PIEZO2: variants seen among roughly 807,000 people sequenced by gnomAD.
PIEZO2 encodes piezo type mechanosensitive ion channel component 2.
In PIEZO2, 172 loss-of-function variants were observed where a neutral mutation model predicts 337.3. The observed-to-expected ratio is 0.51, with a 90% CI of 0.45 to 0.58. The LOEUF is 0.58. PIEZO2 is among the 20% of genes least tolerant of loss of function. The probability of loss-of-function intolerance (pLI) is 0.00; values close to 1 mark genes in which losing one functional copy is unlikely to be tolerated. For missense variants in PIEZO2, 3,028 were observed against 3,391.3 expected, an observed-to-expected ratio of 0.89 and a Z score of 2.66; for synonymous variants, 1,251 against 1,228.5, an observed-to-expected ratio of 1.02 and a Z score of -0.38.
chr18:10,690,535 G>T (rs567706749), intron 48 of PIEZO2, among the ~76,000 whole-genome samples: 33 of 152,282 alleles, frequency 2.2e-4, no homozygotes, highest in Non-Finnish European at 4.3e-4. Context: ...ATCAGGCCCA[G>T]TCACAGGCTA....
At chr18:11,098,541 A>G (rs574451387) in intron 1 of PIEZO2, among the ~76,000 whole-genome samples, 148 of 149,770 alleles carry the variant, frequency 9.9e-4, no homozygotes, top group Non-Finnish European at 1.7e-3. Flanking sequence ...TACAGTTTAA[A>G]TGTATTCCTC....
Position 10,898,848 on chromosome 18 carries a change from T to C in PIEZO2, c.329+12338A>G, listed in dbSNP as rs572697988. Among the ~76,000 whole-genome samples the C allele has an allele frequency of 1.1e-3, 175 of 152,200 alleles. 1 individual carries two copies. Among genetic ancestry groups the C allele is most frequent in the African/African-American group, 3.8e-3 (159 of 41,524 alleles). ...AAATCAGCGTGGTATAGGAGCAATG[T>C]CAAGGAGTGGGGTGGGGGCTCAGCA... On this transcript the variant is annotated intron_variant, in intron 4 of 55. Coordinates refer to ENST00000674853, the MANE Select transcript of PIEZO2 (RefSeq NM_001378183.1).
chr18:10,721,121 A>G (rs2036293567), intron 36 of PIEZO2, among the ~76,000 whole-genome samples: 1 of 152,208 alleles, frequency 6.6e-6, no homozygotes, highest in African/African-American at 2.4e-5. Context: ...AAGGCTTTAG[A>G]ACAAAGAAGT....
rs2039212574 is a variant in PIEZO2 at position 11,094,727 on chromosome 18, T to G, written c.65-28505A>C. On this transcript the variant is annotated intron_variant, in intron 1 of 55. Transcript: ENST00000674853. This position sits in a 1 kb window ranked among gnomAD's most constrained non-coding sequence, Gnocchi z 4.4. ...ACAGGAAAGAAAAATGGGAGCTGGA[T>G]GAAGAGCTGATTATTCTATATAAAT... 6.6e-6 allele frequency among the ~76,000 whole-genome samples: 1 copy of G among 152,262 alleles called. No homozygotes were observed. Among genetic ancestry groups the G allele is most frequent in the South Asian group, 2.1e-4 (1 of 4,832 alleles).
chr18:10,711,519 A>T (rs769777713), intron 39 of PIEZO2, among the ~76,000 whole-genome samples: 61 of 152,334 alleles, frequency 4.0e-4, no homozygotes, highest in Admixed American at 1.5e-3. Flanking sequence ...TCATTAAAAA[A>T]TGTCACCAAT....
chr18:10,959,665 TTAC>T (rs1374701713), intron 3 of PIEZO2, among the ~76,000 whole-genome samples: 9 of 152,156 alleles, frequency 5.9e-5, no homozygotes, highest in African/African-American at 1.9e-4. Context: ...TTTCATGAAA[TTAC>T]AAAGTCCCAT....
At position 11,004,585 on chromosome 18, in the gene PIEZO2, C is replaced by T. The variant is rs772859423; in HGVS notation, c.161-24925G>A. Among the ~76,000 whole-genome samples, 77 of 152,118 alleles carry T rather than the reference C, an allele frequency of 5.1e-4. 1 individual carries two copies. The highest frequency in any genetic ancestry group is 4.3e-3 in the Admixed American group (66 of 15,264). ...TAGAACGGATAAGGAAGGGAGAAAA[C>T]GCAAAATAAACCAATAATATACAAG... On this transcript the variant is annotated intron_variant, in intron 2 of 55. Transcript: ENST00000674853.
chr18:10,928,329 G>A (rs543680975), intron 3 of PIEZO2, among the ~76,000 whole-genome samples: 9 of 152,266 alleles, frequency 5.9e-5, no homozygotes, highest in African/African-American at 1.9e-4. Context: ...AGTCAAAACA[G>A]AGGCATGGCC....
chr18:11,107,062 A>C (rs2039590172), intron 1 of PIEZO2, among the ~76,000 whole-genome samples: 1 of 152,198 alleles, frequency 6.6e-6, no homozygotes, highest in Admixed American at 6.5e-5. Flanking sequence ...TCTTTCTCTG[A>C]TCTCAATGAC....
chr18:10,722,454 A>G (rs1441806976), intron 36 of PIEZO2, among the ~76,000 whole-genome samples: 1 of 151,038 alleles, frequency 6.6e-6, no homozygotes, highest in South Asian at 2.1e-4. Flanking sequence ...CTGGTCTCGA[A>G]CTCCTGATCT....
Position 10,707,852 on chromosome 18 carries a change from A to G in PIEZO2, c.5588+423T>C, listed in dbSNP as rs1305150933. On this transcript the variant is annotated intron_variant, in intron 40 of 55. Transcript: ENST00000674853. This position sits in a 1 kb window ranked among gnomAD's most constrained non-coding sequence, Gnocchi z 4.2. ...ATGACTACCTATGATAGATTTTTAG[A>G]TTTTTTTCCTACTGCATGCATCTTT... Among the ~76,000 whole-genome samples the G allele has an allele frequency of 6.6e-6, 1 of 152,140 alleles. No homozygotes were observed. The highest frequency in any genetic ancestry group is 2.4e-5 in the African/African-American group (1 of 41,430).
intron 12 of PIEZO2, 53 bp downstream of exon 12, chr18:10,797,321 C>G: frequency 7.6e-7 from 1 of 1,321,566 alleles, no homozygotes; most frequent in Non-Finnish European, 1.0e-6. Context: ...GCACACATAC[C>G]ATCATATCAT....
Position 10,762,645 on chromosome 18 carries a change from G to A in PIEZO2, c.3124-20C>T, listed in dbSNP as rs1303188454. 3 of 1,529,326 alleles carry A rather than the reference G, an allele frequency of 2.0e-6. No homozygotes were observed. Among genetic ancestry groups the A allele is most frequent in the Admixed American group, 2.0e-5 (1 of 48,994 alleles). The allele number at this position is 1,529,326 out of a possible 1,614,324, so 94.7% of individuals were successfully genotyped here. On this transcript the variant is annotated intron_variant, in intron 22 of 55. Coordinates refer to ENST00000674853, the MANE Select transcript of PIEZO2 (RefSeq NM_001378183.1). ...ATTTGGCTAAAAAGAAGAGAAAATG[G>A]AGTAAAAAAAAATAGCTCCACAGAT...
intron 2 of PIEZO2, among the ~76,000 whole-genome samples, chr18:11,051,751 A>C (rs6505609): frequency 4.6e-5 from 7 of 151,964 alleles, no homozygotes; most frequent in Non-Finnish European, 1.0e-4. Context: ...ATTGTGAGTA[A>C]ATGGAAGGAT....
rs149559089 is a variant in PIEZO2 at position 11,076,430 on chromosome 18, A to G, written c.65-10208T>C. Among the ~76,000 whole-genome samples, 813 of 152,364 alleles carry G rather than the reference A, an allele frequency of 5.3e-3. 7 individuals are homozygous for G. Among genetic ancestry groups the G allele is most frequent in the South Asian group, 0.022 (105 of 4,834 alleles). Reference sequence around the variant, plus strand: ...GAAACCAATCTAAGGAAAAAAATCCAGTAAAACCATCTTATTTATAAAGGA... The same window carrying G: ...GAAACCAATCTAAGGAAAAAAATCCGGTAAAACCATCTTATTTATAAAGGA... On this transcript the variant is annotated intron_variant, in intron 1 of 55. Coordinates refer to ENST00000674853, the MANE Select transcript of PIEZO2 (RefSeq NM_001378183.1).
chr18:11,100,838 G>A (rs369416617), intron 1 of PIEZO2, among the ~76,000 whole-genome samples: 22 of 152,166 alleles, frequency 1.4e-4, no homozygotes, highest in African/African-American at 2.4e-4. Context: ...CTCGTGATCC[G>A]CCCACCTTGG....
At chr18:11,133,823 T>C (rs1001120490) in intron 1 of PIEZO2, among the ~76,000 whole-genome samples, 1 of 150,442 alleles carries the variant, frequency 6.6e-6, no homozygotes, top group African/African-American at 2.4e-5. Context: ...TATATATATA[T>C]ACTTAATAAA....
chr18:11,125,585 T>C lies in PIEZO2; in HGVS notation c.64+22940A>G, dbSNP rs1479964621. ...GACACACTCCATTCCAAATAAAGAT[T>C]ACCCTGCAGAGAAGAGCATCCTGGT... On this transcript the variant is annotated intron_variant, in intron 1 of 55. Coordinates refer to ENST00000674853, the MANE Select transcript of PIEZO2 (RefSeq NM_001378183.1). This position sits in a 1 kb window ranked among gnomAD's most constrained non-coding sequence, Gnocchi z 4.4. Among the ~76,000 whole-genome samples, 1 of 152,120 alleles carries C rather than the reference T, an allele frequency of 6.6e-6. No homozygotes were observed. The highest frequency in any genetic ancestry group is 1.5e-5 in the Non-Finnish European group (1 of 68,018).
intron 17 of PIEZO2, among the ~76,000 whole-genome samples, chr18:10,782,407 A>G (rs1429878528): frequency 4.9e-5 from 3 of 60,760 alleles, no homozygotes; most frequent in Non-Finnish European, 1.1e-4. Flanking sequence ...ATAATTATAT[A>G]ATATATTATA....
Sources: gnomAD v4.1 joint callset for allele counts (sites outside exome capture counted in the v4.1 genomes callset) on GRCh38, gnomAD v4.1.1 for gene constraint, Gnocchi (gnomAD v3.1) non-coding constraint, MANE v1.5 for transcripts, NCBI Gene and HGNC (gene_info 2026-07-23, HGNC 2026-07-21) for gene names.